The following EYS variants were observed in gnomAD, a reference collection of about 807,000 sequenced individuals.
EYS encodes EGF-like photoreceptor maintenance factor.
A neutral mutation model predicts 282.1 loss-of-function variants in EYS; 250 were observed. The observed-to-expected ratio is 0.89, with a 90% confidence interval of 0.80 to 0.98. The LOEUF (loss-of-function observed/expected upper bound fraction) is 0.98, where lower values mean the gene tolerates loss of function less well. Ranked by LOEUF, EYS falls within the 50% of genes least tolerant of loss-of-function variation. The pLI, the probability that EYS is intolerant of heterozygous loss-of-function variation, is 0.00. For missense variants in EYS, 4,016 were observed against 3,709.0 expected (o/e 1.08, Z -2.15); for synonymous variants, 1,355 against 1,282.9 (o/e 1.06, Z -1.20).
At chr6:65,545,578 G>A (rs1768355363) in intron 2 of EYS, among the ~76,000 whole-genome samples, 1 of 152,100 alleles carries the variant, frequency 6.6e-6, no homozygotes, top group Admixed American at 6.5e-5. Context: ...ACAAGAGACA[G>A]AATTACAACT....
At chr6:65,644,117 G>A (rs1767374895) in intron 1 of EYS, among the ~76,000 whole-genome samples, 1 of 152,072 alleles carries the variant, frequency 6.6e-6, no homozygotes, top group Non-Finnish European at 1.5e-5. Flanking sequence ...TGATTATTAA[G>A]CTCATCAATG....
chr6:65,375,817 C>G (rs1333597096), intron 8 of EYS, among the ~76,000 whole-genome samples: 3 of 151,678 alleles, frequency 2.0e-5, no homozygotes, highest in East Asian at 3.9e-4. Flanking sequence ...AGCGTGAAGA[C>G]AAGATTACAA....
chr6:63,876,306 T>A (rs1017129117), intron 35 of EYS, among the ~76,000 whole-genome samples: 1 of 152,236 alleles, frequency 6.6e-6, no homozygotes, highest in African/African-American at 2.4e-5. Flanking sequence ...TAATCCTGTG[T>A]TCTGGTTTGA....
At chr6:65,695,635 A>T (rs79687813) in intron 1 of EYS, among the ~76,000 whole-genome samples, 1 of 122,354 alleles carries the variant, frequency 8.2e-6, no homozygotes, top group African/African-American at 3.5e-5. Context: ...AATCATTGTT[A>T]TTTTTTTTTT....
chr6:65,316,839 A>G (rs1395542730), intron 11 of EYS, among the ~76,000 whole-genome samples: 1 of 152,114 alleles, frequency 6.6e-6, no homozygotes. Flanking sequence ...ATAGTATTCC[A>G]TGTTGTATAT....
Position 63,950,812 on chromosome 6 carries a change from C to T in EYS, c.7055+33571G>A, listed in dbSNP as rs150584447. Among the ~76,000 whole-genome samples, 492 of 152,282 alleles carry T rather than the reference C, an allele frequency of 3.2e-3. 4 individuals carry two copies. In the East Asian group the frequency reaches 0.042, roughly 13 times the overall value. ...CCTCTTTCTCCTTTCAATCTTGGTG[C>T]CACCCTTCAATCTCTCCCTTCTTTT... On this transcript the variant is annotated intron_variant, in intron 35 of 42. Transcript: ENST00000503581.
At chr6:64,045,907 A>G (rs920915749) in intron 33 of EYS, among the ~76,000 whole-genome samples, 12 of 136,888 alleles carry the variant, frequency 8.8e-5, no homozygotes, top group South Asian at 7.2e-4. Context: ...TAATACATAT[A>G]TGTTTATTAT....
intron 2 of EYS, among the ~76,000 whole-genome samples, chr6:65,628,859 C>A (rs1201431756): frequency 3.3e-5 from 5 of 152,186 alleles, no homozygotes; most frequent in African/African-American, 1.2e-4. Context: ...CCCACCAATT[C>A]CAGACACAGT....
intron 15 of EYS, among the ~76,000 whole-genome samples, chr6:64,934,871 G>A (rs180974085): frequency 6.6e-6 from 1 of 151,890 alleles, no homozygotes; most frequent in East Asian, 1.9e-4. Context: ...ATTAAAACCA[G>A]TATAAATATG....
chr6:63,876,132 TA>T (rs1329915425), intron 35 of EYS, among the ~76,000 whole-genome samples: 1 of 152,202 alleles, frequency 6.6e-6, no homozygotes, highest in Non-Finnish European at 1.5e-5. Flanking sequence ...TCCCTCTACA[TA>T]CTGCTTTAAA....
intron 12 of EYS, among the ~76,000 whole-genome samples, chr6:65,121,590 G>C (rs184501967): frequency 5.9e-5 from 9 of 152,102 alleles, no homozygotes; most frequent in Non-Finnish European, 1.3e-4. Context: ...GAATATTTTG[G>C]GGGGAGTGAG....
chr6:64,515,940 T>A (rs543302341), intron 26 of EYS, among the ~76,000 whole-genome samples: 2 of 151,892 alleles, frequency 1.3e-5, no homozygotes, highest in South Asian at 4.1e-4. Flanking sequence ...TCCCATATAA[T>A]TTTATTGTAT....
At position 63,721,051 on chromosome 6, in the gene EYS, G is replaced by C. The variant is rs956479974; in HGVS notation, c.8980C>G (p.Leu2994Val). 2.6e-6 allele frequency: 4 copies of C among 1,551,126 alleles called. No homozygotes were observed. In the African/African-American group the frequency reaches 5.5e-5, roughly 21 times the overall value. ...TGAGCTATTCCCATCCATACAATTAGACCTTCTGTTTTAGTGGTACTGAAA... is the reference window on the plus strand; with the variant it reads ...TGAGCTATTCCCATCCATACAATTACACCTTCTGTTTTAGTGGTACTGAAA... ...LNFSTTKTEG[L>V]IVWMGIAQNE... Residue 2994 changes from leucine (L) to valine (V), a missense_variant, in exon 43 of 43, where the codon CTA becomes GTA. Transcript: ENST00000503581.
At chr6:63,830,199 A>G (rs1243466128) in intron 36 of EYS, among the ~76,000 whole-genome samples, 1 of 152,234 alleles carries the variant, frequency 6.6e-6, no homozygotes, top group Non-Finnish European at 1.5e-5. Flanking sequence ...GCAACTGAAC[A>G]AAGCTGGACG....
intron 22 of EYS, among the ~76,000 whole-genome samples, chr6:64,653,965 T>C (rs530506392): frequency 6.6e-6 from 1 of 152,304 alleles, no homozygotes; most frequent in South Asian, 2.1e-4. Context: ...TAAGCAAATG[T>C]TGGAGATTAT....
chr6:64,204,629 A>G (rs564712658), intron 31 of EYS, among the ~76,000 whole-genome samples: 2 of 152,326 alleles, frequency 1.3e-5, no homozygotes, highest in East Asian at 3.9e-4. Flanking sequence ...ATTTATATGA[A>G]GTTCAAGAAC....
intron 37 of EYS, among the ~76,000 whole-genome samples, chr6:63,805,901 G>C (rs1770893643): frequency 6.6e-6 from 1 of 152,158 alleles, no homozygotes; most frequent in South Asian, 2.1e-4. Context: ...TGAACAGTGA[G>C]TCAATTAAAC....
chr6:63,849,724 C>A (rs1772192658), intron 36 of EYS, among the ~76,000 whole-genome samples: 1 of 152,120 alleles, frequency 6.6e-6, no homozygotes, highest in African/African-American at 2.4e-5. Context: ...GAGGAAAAAC[C>A]AGTGCAAAAA....
In EYS at chr6:64,707,757, A is replaced by G. The variant is rs370937553; in HGVS notation, c.3444-81512T>C. ...GAATCTCAGAAATCACCACTTATTT[A>G]TGTAACCAAATCCCACTGGTTACAC... On this transcript the variant is annotated intron_variant, in intron 22 of 42. Coordinates refer to ENST00000503581, the MANE Select transcript of EYS (RefSeq NM_001142800.2). 9.9e-5 allele frequency among the ~76,000 whole-genome samples: 15 copies of G among 151,980 alleles called. No individual in the cohort carries two copies. In the East Asian group the frequency reaches 2.9e-3, roughly 29 times the overall value.
Sources: gnomAD v4.1 joint callset for allele counts (sites outside exome capture counted in the v4.1 genomes callset) on GRCh38, gnomAD v4.1.1 for gene constraint, MANE v1.5 for transcripts, NCBI Gene and HGNC (gene_info 2026-07-23, HGNC 2026-07-21) for gene names.